CDH13: variants seen among roughly 807,000 people sequenced by gnomAD.
The protein encoded by CDH13 is cadherin 13.
CDH13 carries 24 observed loss-of-function variants against 63.8 expected under a neutral mutation model. That is an observed-to-expected ratio of 0.38 (90% CI 0.27 to 0.53). The LOEUF is 0.53. CDH13 is among the 20% of genes least tolerant of loss of function. The pLI, the probability that CDH13 is intolerant of heterozygous loss-of-function variation, is 0.85. For missense variants in CDH13, 1,049 were observed against 903.1 expected, an observed-to-expected ratio of 1.16 and a Z score of -2.07; for synonymous variants, 503 against 355.3, an observed-to-expected ratio of 1.42 and a Z score of -4.67.
At chr16:83,767,876 A>T (rs1483653127) in intron 11 of CDH13, among the ~76,000 whole-genome samples, 1 of 152,204 alleles carries the variant, frequency 6.6e-6, no homozygotes, top group East Asian at 1.9e-4. Flanking sequence ...AAATTGGCCC[A>T]AGGTTTATTT....
chr16:83,056,423 A>C (rs1034535520), intron 3 of CDH13, among the ~76,000 whole-genome samples: 1 of 152,194 alleles, frequency 6.6e-6, no homozygotes, highest in African/African-American at 2.4e-5. Context: ...CAAATGGATA[A>C]ATTTTGGCAC....
chr16:83,060,262 T>C (rs1461300878), intron 3 of CDH13, among the ~76,000 whole-genome samples: 1 of 152,198 alleles, frequency 6.6e-6, no homozygotes, highest in African/African-American at 2.4e-5. Context: ...TGGTTCAAAT[T>C]AAAGAATATA....
At chr16:83,192,064 A>G (rs2038734551) in intron 4 of CDH13, among the ~76,000 whole-genome samples, 1 of 152,184 alleles carries the variant, frequency 6.6e-6, no homozygotes, top group African/African-American at 2.4e-5. Context: ...AGCAATCTGC[A>G]CGGATACTCG....
intron 3 of CDH13, among the ~76,000 whole-genome samples, chr16:83,103,457 G>A (rs1378828590): frequency 6.6e-6 from 1 of 151,676 alleles, no homozygotes; most frequent in Non-Finnish European, 1.5e-5. Context: ...TGTTGGCCAG[G>A]CTGGTGTCGA....
rs565528406 is a variant in CDH13, at chr16:83,203,926, T to C, written c.484-13419T>C. 8.5e-5 allele frequency among the ~76,000 whole-genome samples: 13 copies of C among 152,276 alleles called. No individual in the cohort carries two copies. The South Asian group carries it at 2.3e-3, about 27-fold the overall frequency. On this transcript the variant is annotated intron_variant, in intron 4 of 13. Coordinates refer to ENST00000567109, the MANE Select transcript of CDH13 (RefSeq NM_001257.5). ...AAAACCCTTCAAATTACACCATTAT[T>C]ATGACAAAGCTCAGGGGGTGTGAGA...
intron 11 of CDH13, among the ~76,000 whole-genome samples, chr16:83,754,156 G>A (rs1913316108): frequency 6.6e-6 from 1 of 152,160 alleles, no homozygotes; most frequent in Non-Finnish European, 1.5e-5. Context: ...GGGTCTCACA[G>A]AAAACAGAGA....
At chr16:83,201,798 T>A (rs1245242264) in intron 4 of CDH13, among the ~76,000 whole-genome samples, 3 of 150,284 alleles carry the variant, frequency 2.0e-5, no homozygotes, top group African/African-American at 7.3e-5. Flanking sequence ...GTGCCTGTAG[T>A]CCCAGCTACT....
Position 82,731,287 on chromosome 16 carries a change from T to C in CDH13, c.45+104150T>C, listed in dbSNP as rs117521541. Among the ~76,000 whole-genome samples the C allele has an allele frequency of 5.0e-3, 764 of 152,324 alleles. 3 individuals carry two copies. The highest frequency in any genetic ancestry group is 9.1e-3 in the Non-Finnish European group (618 of 68,026). Reference sequence around the variant, plus strand: ...GCAGCTGAAGAGTGGAAAACAGTCATAGAATATACATATATAAATAAATGA... The same window carrying C: ...GCAGCTGAAGAGTGGAAAACAGTCACAGAATATACATATATAAATAAATGA... On this transcript the variant is annotated intron_variant, in intron 1 of 13. Transcript: ENST00000567109.
intron 7 of CDH13, among the ~76,000 whole-genome samples, chr16:83,585,835 G>C (rs957080584): frequency 3.8e-4 from 58 of 152,310 alleles, no homozygotes; most frequent in African/African-American, 1.3e-3. Context: ...AGTACCAACA[G>C]GGGTTTTGGC....
intron 6 of CDH13, among the ~76,000 whole-genome samples, chr16:83,440,457 G>A (rs1286214392): frequency 6.6e-6 from 1 of 152,078 alleles, no homozygotes; most frequent in Non-Finnish European, 1.5e-5. Context: ...GGGAGGAGGG[G>A]TCTCTGCAAA....
intron 4 of CDH13, among the ~76,000 whole-genome samples, chr16:83,198,933 C>G (rs947463347): frequency 6.6e-6 from 1 of 152,134 alleles, no homozygotes; most frequent in East Asian, 1.9e-4. Flanking sequence ...ATATTCCTCT[C>G]TTGGGGATGT....
At chr16:83,565,073 A>C (rs1453819014) in intron 7 of CDH13, among the ~76,000 whole-genome samples, 1 of 152,016 alleles carries the variant, frequency 6.6e-6, no homozygotes. Context: ...TCCCTGCATC[A>C]CTTCCCTGCC....
At chr16:83,537,422 C>T (rs1380814188) in intron 7 of CDH13, among the ~76,000 whole-genome samples, 3 of 152,094 alleles carry the variant, frequency 2.0e-5, no homozygotes, top group Non-Finnish European at 4.4e-5. Flanking sequence ...TTGGATTCTT[C>T]CTTATCAACA....
At chr16:83,237,464 C>T (rs1043468412) in intron 5 of CDH13, among the ~76,000 whole-genome samples, 1 of 152,232 alleles carries the variant, frequency 6.6e-6, no homozygotes, top group Non-Finnish European at 1.5e-5. Flanking sequence ...CATAACTGCA[C>T]CGTCCAATAA....
rs1465414714 is a variant in CDH13 at position 82,864,619 on chromosome 16, G to C, written c.157+6146G>C. Among the ~76,000 whole-genome samples, 3 of 152,102 alleles carry C rather than the reference G, an allele frequency of 2.0e-5. No homozygotes were observed. The East Asian group carries it at 5.8e-4, about 29-fold the overall frequency. On this transcript the variant is annotated intron_variant, in intron 2 of 13. Coordinates refer to ENST00000567109, the MANE Select transcript of CDH13 (RefSeq NM_001257.5). ...TGCCCCCGTAATTCAGTTACCTCCA[G>C]CTGGTCACCCCCTTGAAACGTGAGG...
chr16:83,552,287 G>C (rs2075518776), intron 7 of CDH13, among the ~76,000 whole-genome samples: 1 of 152,172 alleles, frequency 6.6e-6, no homozygotes, highest in Non-Finnish European at 1.5e-5. Flanking sequence ...AGGGAGGTCA[G>C]AATGGGAGGC....
intron 10 of CDH13, among the ~76,000 whole-genome samples, chr16:83,683,880 C>T (rs907417445): frequency 6.6e-6 from 1 of 152,010 alleles, no homozygotes; most frequent in Non-Finnish European, 1.5e-5. Flanking sequence ...AGTCCTTCTC[C>T]TCTCCAAGAT....
chr16:83,122,512 C>G (rs921897901), intron 3 of CDH13, among the ~76,000 whole-genome samples: 1 of 152,154 alleles, frequency 6.6e-6, no homozygotes, highest in Non-Finnish European at 1.5e-5. Context: ...TGCATTCCAA[C>G]AGTTGCCCCA....
At chr16:82,880,086 A>G (rs933908641) in intron 2 of CDH13, among the ~76,000 whole-genome samples, 2 of 151,030 alleles carry the variant, frequency 1.3e-5, no homozygotes, top group Admixed American at 6.6e-5. Context: ...ATGTATATAT[A>G]TTATTTCAAA....
Sources: gnomAD v4.1 joint callset for allele counts (sites outside exome capture counted in the v4.1 genomes callset) on GRCh38, gnomAD v4.1.1 for gene constraint, MANE v1.5 for transcripts, NCBI Gene and HGNC (gene_info 2026-07-23, HGNC 2026-07-21) for gene names.